The following RFK variants were observed in gnomAD, a reference collection of about 807,000 sequenced individuals.
RFK encodes the protein 0610038L10Rik.
RFK carries 4 observed loss-of-function variants against 17.6 expected under a neutral mutation model. The ratio of observed to expected loss-of-function variants is 0.23; its 90% CI spans 0.11 to 0.52. RFK has a LOEUF of 0.52. Ranked by LOEUF, RFK falls within the 20% of genes least tolerant of loss-of-function variation. The pLI, the probability that RFK is intolerant of heterozygous loss-of-function variation, is 0.96. For synonymous variants in RFK, 59 were observed against 63.8 expected (o/e 0.92, Z 0.36); for missense variants, 189 against 187.7 (o/e 1.01, Z -0.04).
intron 2 of RFK, among the ~76,000 whole-genome samples, chr9:76,391,680 C>T (rs921274995): frequency 4.6e-5 from 7 of 152,124 alleles, no homozygotes; most frequent in African/African-American, 1.7e-4. Flanking sequence ...TTTGTAACTC[C>T]ACTCTTTATT....
rs367733024 is a variant in RFK at position 76,387,336 on chromosome 9, C to T, written c.*63G>A. ...TTTTCAGTATATAACCAAGATGATG[C>T]TGAACAGTAATAAACACAGAAACAC... On this transcript the variant is annotated 3_prime_UTR_variant, in exon 4 of 4. Coordinates refer to ENST00000376736, the MANE Select transcript of RFK (RefSeq NM_018339.6). The T allele has an allele frequency of 6.3e-5, 92 of 1,462,380 alleles. No homozygotes were observed. In the African/African-American group the frequency reaches 1.1e-3, roughly 18 times the overall value. 90.6% of individuals were successfully genotyped at this position (1,462,380 alleles called of 1,614,324 possible).
At chr9:76,393,063 A>T (rs1227744471) in intron 1 of RFK, among the ~76,000 whole-genome samples, 2 of 152,148 alleles carry the variant, frequency 1.3e-5, no homozygotes, top group African/African-American at 4.8e-5. Context: ...ATAGGTTATG[A>T]ATAAAGTACC....
chr9:76,392,303 G>T, intron 2 of RFK, 115 bp downstream of exon 2: 1 of 1,048,164 alleles, frequency 9.5e-7, no homozygotes, highest in Admixed American at 2.3e-5. Flanking sequence ...CAAAATTCCA[G>T]TATTTGAACT....
At chr9:76,388,046 A>G (rs1822762465) in intron 3 of RFK, 1 of 314,120 alleles carries the variant, frequency 3.2e-6, no homozygotes, top group African/African-American at 2.2e-5. Context: ...ATTTTAAGAG[A>G]AAGGCATAGG....
At chr9:76,388,429 A>G (rs544727054) in intron 3 of RFK, 125 bp downstream of exon 3, 2 of 684,384 alleles carry the variant, frequency 2.9e-6, no homozygotes, top group African/African-American at 3.5e-5. Flanking sequence ...AGCACTTAAA[A>G]CGGTGCCTGG....
intron 2 of RFK, among the ~76,000 whole-genome samples, chr9:76,389,905 G>C (rs1001984216): frequency 3.9e-5 from 6 of 152,110 alleles, no homozygotes; most frequent in Non-Finnish European, 7.4e-5. Flanking sequence ...AATCCTAGCA[G>C]GTTTTTTAAA....
Position 76,394,389 on chromosome 9 carries a change from G to A in RFK, c.-218C>T. The stretch of plus-strand genomic sequence containing the variant: ...TACCGCCGGGCGCCTGAGGAGCTGC[G>A]TCTCCGCTGGAGGGCAGCGGAGACA... On this transcript the variant is annotated 5_prime_UTR_variant, in exon 1 of 4. It adds an upstream start codon to the 5' untranslated region. Transcript: ENST00000376736. 2 of 489,856 alleles carry A rather than the reference G, an allele frequency of 4.1e-6. No homozygotes were observed. The highest frequency in any genetic ancestry group is 7.2e-6 in the Non-Finnish European group (2 of 279,182). 30.3% of individuals were successfully genotyped at this position (489,856 alleles called of 1,614,324 possible). A position where few individuals can be genotyped will look rare whatever the true frequency, so the allele number is the denominator to read the frequency against.
chr9:76,388,438 G>A, intron 3 of RFK, 116 bp downstream of exon 3: 1 of 705,754 alleles, frequency 1.4e-6, no homozygotes, highest in East Asian at 2.5e-5. Context: ...AACGGTGCCT[G>A]GCATATATTA....
chr9:76,393,949 C>T (rs2131556038), intron 1 of RFK, 141 bp downstream of exon 1: 1 of 744,164 alleles, frequency 1.3e-6, no homozygotes, highest in East Asian at 3.1e-5. Context: ...CCGCCACAGA[C>T]AAGGGGATGC....
intron 2 of RFK, 142 bp downstream of exon 2, chr9:76,392,271 CAATTA>C (rs1375796068): frequency 5.6e-6 from 4 of 717,656 alleles, no homozygotes; most frequent in Non-Finnish European, 9.1e-6. Flanking sequence ...TTAAACTCTC[CAATTA>C]AAAGACAGAG....
At chr9:76,394,041 C>T (rs1477720917) in intron 1 of RFK, 49 bp downstream of exon 1, 3 of 1,530,826 alleles carry the variant, frequency 2.0e-6, no homozygotes, top group South Asian at 1.2e-5. Flanking sequence ...CGTCTCTCCC[C>T]GCTCCCCACG....
At chr9:76,393,312 T>G (rs1026606298) in intron 1 of RFK, among the ~76,000 whole-genome samples, 1 of 151,996 alleles carries the variant, frequency 6.6e-6, no homozygotes, top group Admixed American at 6.6e-5. Flanking sequence ...GTTCAAGCGA[T>G]TCTCCTGCCT....
chr9:76,388,115 T>C (rs1028587056), intron 3 of RFK: 34 of 355,994 alleles, frequency 9.6e-5, no homozygotes, highest in South Asian at 7.3e-4. Context: ...TTATTTTTGG[T>C]TGGTATTTAC....
At chr9:76,388,883 T>G (rs934902546) in intron 2 of RFK, among the ~76,000 whole-genome samples, 20 of 152,304 alleles carry the variant, frequency 1.3e-4, no homozygotes, top group Admixed American at 1.2e-3. Context: ...TGGCATGATT[T>G]GCTGTTACTT....
At chr9:76,390,686 TCTG>T (rs1432080156) in intron 2 of RFK, among the ~76,000 whole-genome samples, 2 of 124,022 alleles carry the variant, frequency 1.6e-5, no homozygotes, top group Non-Finnish European at 3.3e-5. Flanking sequence ...AAAACAAAAC[TCTG>T]TTCTTCAACA....
At chr9:76,392,067 C>T (rs1221069533) in intron 2 of RFK, among the ~76,000 whole-genome samples, 4 of 151,880 alleles carry the variant, frequency 2.6e-5, no homozygotes, top group Non-Finnish European at 4.4e-5. Flanking sequence ...AAGACAGTAT[C>T]TATAGAAATA....
chr9:76,389,240 A>G (rs987237950), intron 2 of RFK, among the ~76,000 whole-genome samples: 1 of 152,212 alleles, frequency 6.6e-6, no homozygotes, highest in Non-Finnish European at 1.5e-5. Flanking sequence ...TCATCTGGGC[A>G]GTACTGTGGT....
At chr9:76,392,899 G>A (rs577639285) in intron 1 of RFK, among the ~76,000 whole-genome samples, 1 of 152,302 alleles carries the variant, frequency 6.6e-6, no homozygotes, top group East Asian at 1.9e-4. Context: ...GCCAGATTCT[G>A]TCTCAAAATA....
chr9:76,390,837 C>T lies in RFK; in HGVS notation c.234+1581G>A, dbSNP rs573091706. On this transcript the variant is annotated intron_variant, in intron 2 of 3. Coordinates refer to ENST00000376736, the MANE Select transcript of RFK (RefSeq NM_018339.6). ...AACTTATTTAAGGTCAGTAAGATAACGCTTTTTTTTTTTTTAAAGGACAAA... is the reference window on the plus strand; with the variant it reads ...AACTTATTTAAGGTCAGTAAGATAATGCTTTTTTTTTTTTTAAAGGACAAA... Among the ~76,000 whole-genome samples the T allele has an allele frequency of 3.6e-3, 400 of 111,154 alleles. 1 individual carries two copies. The highest frequency in any genetic ancestry group is 0.011 in the African/African-American group (383 of 35,636). The allele number at this position is 111,154 out of a possible 152,430, so 72.9% of individuals were successfully genotyped here.
Sources: gnomAD v4.1 joint callset for allele counts (sites outside exome capture counted in the v4.1 genomes callset) on GRCh38, gnomAD v4.1.1 for gene constraint, MANE v1.5 for transcripts, NCBI Gene and HGNC (gene_info 2026-07-23, HGNC 2026-07-21) for gene names.